MAF: variants seen among roughly 807,000 people sequenced by gnomAD.
MAF encodes the protein transcription factor Maf.
In MAF, 10 loss-of-function variants were observed where a neutral mutation model predicts 22.0. That is an observed-to-expected ratio of 0.45 (90% CI 0.28 to 0.77). The LOEUF is 0.77. MAF is among the 30% of genes least tolerant of loss of function. The pLI, the probability that MAF is intolerant of heterozygous loss-of-function variation, is 0.12. For missense variants in MAF, 544 were observed against 548.4 expected (o/e 0.99, Z 0.08); for synonymous variants, 337 against 255.8 (o/e 1.32, Z -3.03).
chr16:79,413,218 T>G, the MAF span, among the ~76,000 whole-genome samples: 1 of 13,506 alleles, frequency 7.4e-5, no homozygotes, highest in African/African-American at 3.6e-4. Flanking sequence ...CAGTTTTTTT[T>G]TTTTTTTTTT....
the MAF span, among the ~76,000 whole-genome samples, chr16:79,461,673 T>G: frequency 6.6e-6 from 1 of 152,180 alleles, no homozygotes; most frequent in Non-Finnish European, 1.5e-5. Context: ...CCATACGTAC[T>G]ATTTGGAGAA....
chr16:79,335,183 C>CA, the MAF span, among the ~76,000 whole-genome samples: 18,183 of 85,888 alleles, frequency 0.21, 1,580 homozygotes, highest in East Asian at 0.46. Context: ...GACTCCATCT[C>CA]AAAAAAAAAA....
the MAF span, among the ~76,000 whole-genome samples, chr16:79,267,486 C>T: frequency 1.3e-5 from 2 of 152,132 alleles, no homozygotes; most frequent in African/African-American, 2.4e-5. Context: ...ATCCCCTTTG[C>T]CCGCTGCTGC....
the MAF span, among the ~76,000 whole-genome samples, chr16:79,514,980 T>G: frequency 1.3e-5 from 2 of 152,180 alleles, no homozygotes; most frequent in Non-Finnish European, 2.9e-5. Context: ...TTGCCACCAT[T>G]ACCGTGCTCA....
chr16:79,578,850 C>CTCTGAGTACAGAAATT, the MAF span, among the ~76,000 whole-genome samples: 1 of 152,118 alleles, frequency 6.6e-6, no homozygotes. Flanking sequence ...CTTTAGGGCC[C>CTCTGAGTACAGAAATT]TCTGAGTACA....
chr16:79,577,857 A>G, the MAF span, among the ~76,000 whole-genome samples: 2 of 152,148 alleles, frequency 1.3e-5, no homozygotes, highest in Non-Finnish European at 2.9e-5. Context: ...CTCCATGTAT[A>G]TTTTAAAACT....
downstream of MAF, among the ~76,000 whole-genome samples, chr16:79,590,385 C>G (rs76111659): frequency 0.017 from 2,556 of 152,320 alleles, 65 homozygotes; most frequent in African/African-American, 0.058. Flanking sequence ...TCCCCGGACC[C>G]TCTGCATAGC....
At chr16:79,273,419 A>T in the MAF span, among the ~76,000 whole-genome samples, 1 of 152,210 alleles carries the variant, frequency 6.6e-6, no homozygotes, top group Admixed American at 6.5e-5. Flanking sequence ...TTGCTGCTGT[A>T]ACAAATTACC....
chr16:79,569,097 T>C, the MAF span, among the ~76,000 whole-genome samples: 1 of 151,558 alleles, frequency 6.6e-6, no homozygotes, highest in African/African-American at 2.4e-5. Flanking sequence ...GAAAGACAGG[T>C]CTCACTATTC....
the MAF span, among the ~76,000 whole-genome samples, chr16:79,290,781 G>T: frequency 6.6e-6 from 1 of 152,030 alleles, no homozygotes; most frequent in Non-Finnish European, 1.5e-5. Context: ...GGGCGAATTT[G>T]GTGTTTCTCA....
chr16:79,237,054 G>T, the MAF span, among the ~76,000 whole-genome samples: 1 of 151,992 alleles, frequency 6.6e-6, no homozygotes, highest in African/African-American at 2.4e-5. Context: ...GATTGCCAGA[G>T]TGTGCCTTGA....
the MAF span, among the ~76,000 whole-genome samples, chr16:79,223,674 G>T: frequency 6.6e-6 from 1 of 151,938 alleles, no homozygotes; most frequent in East Asian, 1.9e-4. Flanking sequence ...ATGATAAAGG[G>T]GATATCACCA....
At chr16:79,394,697 G>T in the MAF span, among the ~76,000 whole-genome samples, 2 of 152,110 alleles carry the variant, frequency 1.3e-5, no homozygotes, top group Non-Finnish European at 2.9e-5. Context: ...CACTGGAATC[G>T]CTGGGGCACC....
At chr16:79,481,073 C>T in the MAF span, among the ~76,000 whole-genome samples, 2 of 152,298 alleles carry the variant, frequency 1.3e-5, no homozygotes, top group South Asian at 4.1e-4. Flanking sequence ...GTCCTAACCA[C>T]CAGAATGTAA....
the MAF span, among the ~76,000 whole-genome samples, chr16:79,316,162 C>T: frequency 6.6e-6 from 1 of 152,244 alleles, no homozygotes; most frequent in Non-Finnish European, 1.5e-5. Flanking sequence ...GAACGTGACT[C>T]ACCCAAAATG....
the MAF span, among the ~76,000 whole-genome samples, chr16:79,349,698 G>C: frequency 6.6e-6 from 1 of 152,140 alleles, no homozygotes; most frequent in Non-Finnish European, 1.5e-5. Flanking sequence ...GGTGATGTTT[G>C]GCTTCAGTTT....
chr16:79,387,554 G>C, the MAF span, among the ~76,000 whole-genome samples: 1 of 152,054 alleles, frequency 6.6e-6, no homozygotes, highest in Admixed American at 6.5e-5. Flanking sequence ...AGGCAATGGC[G>C]ACCAGTGCAC....
rs1276912017 is a variant in MAF, at chr16:79,596,253, C to A, written c.1119-1700G>T. On this transcript the variant is annotated intron_variant, in intron 1 of 1. Coordinates refer to ENST00000326043, the MANE Select transcript of MAF (RefSeq NM_005360.5). ...GCTCAACTCATTTGAAAACTGAAAA[C>A]TTTGGGGAGAAAAAAATGAGGTCAT... The A allele has an allele frequency of 4.7e-6, 5 of 1,059,230 alleles. No individual in the cohort carries two copies. The African/African-American group carries it at 8.3e-5, about 17-fold the overall frequency. 65.6% of individuals were successfully genotyped at this position (1,059,230 alleles called of 1,614,324 possible).
chr16:79,585,920 T>C (rs1194287394), exon 2 of MAF: 1 of 686,590 alleles, frequency 1.5e-6, no homozygotes, highest in African/African-American at 1.8e-5. Flanking sequence ...ACATCACTGA[T>C]GTAGAGGATT....
Sources: gnomAD v4.1 joint callset for allele counts (sites outside exome capture counted in the v4.1 genomes callset) on GRCh38, gnomAD v4.1.1 for gene constraint, MANE v1.5 for transcripts, NCBI Gene and HGNC (gene_info 2026-07-23, HGNC 2026-07-21) for gene names.